The following MACROD2 variants were observed in gnomAD, a reference collection of about 807,000 sequenced individuals.
MACROD2 encodes mono-ADP ribosylhydrolase 2.
Under a neutral mutation model 70.4 loss-of-function variants are expected in MACROD2, and 36 were observed. That is an observed-to-expected ratio of 0.51 (90% CI 0.39 to 0.68). The LOEUF (loss-of-function observed/expected upper bound fraction) is 0.68. MACROD2 is among the 30% of genes least tolerant of loss of function. The pLI is 0.00. For missense variants in MACROD2, 496 were observed against 538.4 expected (o/e 0.92, Z 0.78); for synonymous variants, 172 against 178.8 (o/e 0.96, Z 0.30).
chr20:14,337,334 T>G, intron 3 of MACROD2: 123 of 280,242 alleles, frequency 4.4e-4, no homozygotes, highest in East Asian at 6.6e-4. Context: ...ATCAAGTCGT[T>G]TCTTTCTAGA....
intron 4 of MACROD2, among the ~76,000 whole-genome samples, chr20:14,619,838 A>T (rs781069760): frequency 2.6e-5 from 4 of 152,160 alleles, no homozygotes; most frequent in African/African-American, 9.7e-5. Flanking sequence ...TGTTCGTGCT[A>T]TGATTCCACT....
chr20:14,751,494 G>A (rs946781839), intron 5 of MACROD2, among the ~76,000 whole-genome samples: 2 of 152,080 alleles, frequency 1.3e-5, no homozygotes, highest in Non-Finnish European at 2.9e-5. Context: ...TAGCAGACAG[G>A]TTTTAGTCTA....
intron 3 of MACROD2, among the ~76,000 whole-genome samples, chr20:14,300,818 A>G (rs559107224): frequency 6.6e-6 from 1 of 152,198 alleles, no homozygotes; most frequent in East Asian, 1.9e-4. Context: ...ATGCAAGAGA[A>G]TGGGGCAAGC....
In MACROD2 at chr20:14,732,603, A is replaced by T. The variant is rs537308185; in HGVS notation, c.418+47644A>T. ...TTTTACCAGAAATTAAAGTGGCATT[A>T]TAAAGGAAAGTCGATGTTTTAGCCC... On this transcript the variant is annotated intron_variant, in intron 5 of 17. Coordinates refer to ENST00000684519, the MANE Select transcript of MACROD2 (RefSeq NM_001351661.2). Among the ~76,000 whole-genome samples the T allele has an allele frequency of 5.9e-5, 9 of 152,312 alleles. No individual in the cohort carries two copies. In the South Asian group the frequency reaches 1.9e-3, roughly 32 times the overall value.
chr20:15,567,115 A>G (rs1226110748), intron 8 of MACROD2, among the ~76,000 whole-genome samples: 1 of 151,154 alleles, frequency 6.6e-6, no homozygotes, highest in Non-Finnish European at 1.5e-5. Flanking sequence ...TTTTTTTCAG[A>G]AAATTATTTA....
chr20:14,924,231 C>T (rs1600830623), intron 5 of MACROD2, among the ~76,000 whole-genome samples: 7 of 151,938 alleles, frequency 4.6e-5, no homozygotes, highest in Admixed American at 2.0e-4. Context: ...GAGGCTGAGG[C>T]GGGTGCATCA....
At chr20:15,617,535 T>C (rs753793566) in intron 8 of MACROD2, among the ~76,000 whole-genome samples, 15 of 152,226 alleles carry the variant, frequency 9.9e-5, no homozygotes, top group Non-Finnish European at 1.6e-4. Flanking sequence ...AACTGATAAA[T>C]ATGAATGTGT....
At chr20:15,677,050 G>A (rs568732306) in intron 8 of MACROD2, among the ~76,000 whole-genome samples, 25 of 152,240 alleles carry the variant, frequency 1.6e-4, no homozygotes, top group African/African-American at 6.0e-4. Context: ...TCATCCTGGT[G>A]CCTCAAGGTT....
intron 5 of MACROD2, among the ~76,000 whole-genome samples, chr20:15,116,367 T>A (rs199609437): frequency 6.6e-6 from 1 of 152,082 alleles, no homozygotes; most frequent in East Asian, 1.9e-4. Flanking sequence ...ATTAGGCCAG[T>A]CACGGTGGCC....
chr20:14,745,735 CCA>C (rs1465173754), intron 5 of MACROD2, among the ~76,000 whole-genome samples: 1 of 152,062 alleles, frequency 6.6e-6, no homozygotes, highest in African/African-American at 2.4e-5. Context: ...TTACCCCCAC[CCA>C]GAGTCTGCCT....
chr20:14,882,547 C>T lies in MACROD2; in HGVS notation c.418+197588C>T, dbSNP rs150781391. Among the ~76,000 whole-genome samples the T allele has an allele frequency of 7.9e-5, 12 of 152,292 alleles. 1 individual carries two copies. In the East Asian group the frequency reaches 2.3e-3, roughly 29 times the overall value. ...ATTGGGAAGTTGGGTTGTTGAGATACAGAAGATTTACTCTTCTTCCCAACT... is the reference window on the plus strand; with the variant it reads ...ATTGGGAAGTTGGGTTGTTGAGATATAGAAGATTTACTCTTCTTCCCAACT... On this transcript the variant is annotated intron_variant, in intron 5 of 17. Coordinates refer to ENST00000684519, the MANE Select transcript of MACROD2 (RefSeq NM_001351661.2).
intron 8 of MACROD2, among the ~76,000 whole-genome samples, chr20:15,746,584 AAAC>A: frequency 6.7e-6 from 1 of 149,722 alleles, no homozygotes; most frequent in African/African-American, 2.4e-5. Flanking sequence ...AAAAAAAAAG[AAAC>A]GGTGAAACTT....
chr20:15,178,718 G>C (rs1333738629), intron 5 of MACROD2, among the ~76,000 whole-genome samples: 1 of 152,164 alleles, frequency 6.6e-6, no homozygotes. Flanking sequence ...AGGTTCAGAA[G>C]GGAAAATGTG....
At chr20:15,861,388 A>C (rs2064422293) in intron 8 of MACROD2, among the ~76,000 whole-genome samples, 1 of 152,192 alleles carries the variant, frequency 6.6e-6, no homozygotes, top group African/African-American at 2.4e-5. Flanking sequence ...GTTGACAATG[A>C]CAGGTTTAGC....
At chr20:15,628,403 C>G (rs1914884239) in intron 8 of MACROD2, among the ~76,000 whole-genome samples, 1 of 152,162 alleles carries the variant, frequency 6.6e-6, no homozygotes, top group Middle Eastern at 3.2e-3. Flanking sequence ...GGATGTCTGG[C>G]TCTATTGCTC....
At chr20:14,902,454 C>T (rs1009082571) in intron 5 of MACROD2, among the ~76,000 whole-genome samples, 3 of 152,150 alleles carry the variant, frequency 2.0e-5, no homozygotes, top group African/African-American at 4.8e-5. Flanking sequence ...GTTCTGTGCT[C>T]TTTTAAAATA....
At chr20:15,127,017 C>T (rs1388692787) in intron 5 of MACROD2, among the ~76,000 whole-genome samples, 2 of 152,048 alleles carry the variant, frequency 1.3e-5, no homozygotes, top group East Asian at 1.9e-4. Context: ...TTTCTATATA[C>T]AACAAATTCC....
intron 4 of MACROD2, among the ~76,000 whole-genome samples, chr20:14,646,657 C>G (rs1600495263): frequency 1.3e-5 from 2 of 152,036 alleles, no homozygotes; most frequent in Non-Finnish European, 2.9e-5. Flanking sequence ...AACAATGAGG[C>G]TGCACACTTT....
At chr20:14,473,865 C>T (rs1218927733) in intron 3 of MACROD2, among the ~76,000 whole-genome samples, 1 of 151,970 alleles carries the variant, frequency 6.6e-6, no homozygotes, top group African/African-American at 2.4e-5. Context: ...GATGATGTCT[C>T]CTTTTAGTTT....
Sources: allele counts gnomAD v4.1 joint callset (sites outside exome capture counted in the v4.1 genomes callset), GRCh38; gene constraint gnomAD v4.1.1; transcripts MANE v1.5; gene names NCBI Gene and HGNC (gene_info 2026-07-23, HGNC 2026-07-21).